The following SCFD2 variants were observed in gnomAD, a reference collection of about 807,000 sequenced individuals.
SCFD2 encodes the protein sec1 family domain containing 2.
Under a neutral mutation model 58.9 loss-of-function variants are expected in SCFD2, and 54 were observed. That is an observed-to-expected ratio of 0.92 (90% CI 0.74 to 1.15). The LOEUF (loss-of-function observed/expected upper bound fraction) is 1.15, where lower values mean the gene tolerates loss of function less well. SCFD2 is among the 50% of genes most tolerant of loss of function. The pLI is 0.00. For missense variants in SCFD2, 805 were observed against 836.6 expected (o/e 0.96, Z 0.47); for synonymous variants, 321 against 335.9 (o/e 0.96, Z 0.49).
chr4:53,041,012 A>G (rs1255122009), intron 5 of SCFD2, among the ~76,000 whole-genome samples: 4 of 152,208 alleles, frequency 2.6e-5, no homozygotes, highest in South Asian at 2.1e-4. Context: ...GGAACTATTC[A>G]GTCTATAAAT....
chr4:52,902,681 C>A (rs1030120476), intron 7 of SCFD2, among the ~76,000 whole-genome samples: 1 of 152,158 alleles, frequency 6.6e-6, no homozygotes, highest in Non-Finnish European at 1.5e-5. Context: ...GTTCTGAGTG[C>A]TTTATATGCA....
chr4:53,339,356 A>G (rs1733788425), intron 2 of SCFD2, among the ~76,000 whole-genome samples: 1 of 150,404 alleles, frequency 6.6e-6, no homozygotes, highest in African/African-American at 2.4e-5. Flanking sequence ...ATGTAAATGT[A>G]TATTACATAT....
chr4:53,292,322 CAG>C (rs1199670360), intron 3 of SCFD2, among the ~76,000 whole-genome samples: 1 of 152,048 alleles, frequency 6.6e-6, no homozygotes, highest in African/African-American at 2.4e-5. Flanking sequence ...GTCTAATATA[CAG>C]AGTCTACAAG....
At chr4:53,146,218 C>T (rs1726328334) in intron 4 of SCFD2, among the ~76,000 whole-genome samples, 1 of 152,134 alleles carries the variant, frequency 6.6e-6, no homozygotes, top group Non-Finnish European at 1.5e-5. Context: ...TCTTCCACAA[C>T]TTCTCGAGTG....
chr4:52,980,573 C>T (rs376673225), intron 5 of SCFD2, among the ~76,000 whole-genome samples: 4 of 152,144 alleles, frequency 2.6e-5, no homozygotes, highest in African/African-American at 4.8e-5. Flanking sequence ...GGAGAGAATA[C>T]GAGACATACA....
In SCFD2 at chr4:53,021,610, G is replaced by A. The variant is rs191875767; in HGVS notation, c.1562-100740C>T. On this transcript the variant is annotated intron_variant, in intron 5 of 8. Coordinates refer to ENST00000401642, the MANE Select transcript of SCFD2 (RefSeq NM_152540.4). ...GCGGTATGCATTAAGTTCTCCAGGG[G>A]CGCAGCGGCAAGTCAAGGGTGAGGG... is the stretch of plus-strand genomic sequence containing the variant. 1.2e-3 allele frequency among the ~76,000 whole-genome samples: 185 copies of A among 152,180 alleles called. 1 individual carries two copies. Among genetic ancestry groups the A allele is most frequent in the African/African-American group, 4.3e-3 (177 of 41,520 alleles).
intron 4 of SCFD2, among the ~76,000 whole-genome samples, chr4:53,259,812 T>C (rs1436988976): frequency 1.3e-5 from 2 of 152,230 alleles, no homozygotes; most frequent in Non-Finnish European, 2.9e-5. Flanking sequence ...TTTGGCAGTA[T>C]GGTCATTTTC....
intron 5 of SCFD2, among the ~76,000 whole-genome samples, chr4:53,043,827 C>A (rs1722958874): frequency 6.6e-6 from 1 of 151,948 alleles, no homozygotes. Flanking sequence ...ACTTACAAAC[C>A]TTTAAAAAAT....
chr4:53,256,809 G>A (rs1323229917), intron 4 of SCFD2, among the ~76,000 whole-genome samples: 2 of 150,548 alleles, frequency 1.3e-5, no homozygotes, highest in African/African-American at 2.4e-5. Flanking sequence ...AGCCGAGATG[G>A]CAGCAGTACA....
intron 5 of SCFD2, among the ~76,000 whole-genome samples, chr4:52,964,941 G>C (rs1420648215): frequency 6.6e-6 from 1 of 151,444 alleles, no homozygotes; most frequent in Admixed American, 6.6e-5. Context: ...TCGCAGAAAT[G>C]ACATTAATTA....
chr4:53,033,082 A>G (rs1722661594), intron 5 of SCFD2, among the ~76,000 whole-genome samples: 3 of 152,250 alleles, frequency 2.0e-5, no homozygotes, highest in African/African-American at 4.8e-5. Context: ...AACACTCCTC[A>G]GGAAATGCAA....
chr4:53,262,087 T>C (rs1280830970), intron 4 of SCFD2, among the ~76,000 whole-genome samples: 1 of 152,210 alleles, frequency 6.6e-6, no homozygotes. Flanking sequence ...TCACTTTTGG[T>C]GTCCATTTGC....
chr4:52,947,717 C>T (rs971740075), intron 5 of SCFD2, among the ~76,000 whole-genome samples: 4 of 149,798 alleles, frequency 2.7e-5, no homozygotes, highest in African/African-American at 7.4e-5. Flanking sequence ...CGCAAAAAAA[C>T]GATATAAAAT....
chr4:52,875,041 G>A (rs1041372003), intron 8 of SCFD2, among the ~76,000 whole-genome samples: 4 of 152,254 alleles, frequency 2.6e-5, no homozygotes, highest in African/African-American at 9.6e-5. Flanking sequence ...TATTTTTCCT[G>A]CTTTGTAGAT....
chr4:52,900,430 T>C (rs1232740656), intron 7 of SCFD2, among the ~76,000 whole-genome samples: 3 of 152,204 alleles, frequency 2.0e-5, no homozygotes, highest in African/African-American at 7.2e-5. Flanking sequence ...TGCCTGGGTA[T>C]GAGCAGCGGT....
chr4:53,133,393 C>T (rs1427869130), intron 5 of SCFD2, among the ~76,000 whole-genome samples: 3 of 150,798 alleles, frequency 2.0e-5, no homozygotes, highest in Non-Finnish European at 4.4e-5. Context: ...AGAAGACTCA[C>T]TTTCTACAAG....
At chr4:53,332,433 C>A (rs1481591745) in intron 2 of SCFD2, among the ~76,000 whole-genome samples, 1 of 151,720 alleles carries the variant, frequency 6.6e-6, no homozygotes, top group African/African-American at 2.4e-5. Context: ...GGATGCAAGG[C>A]TGGTTCAATA....
chr4:53,087,556 T>C (rs112506617), intron 5 of SCFD2, among the ~76,000 whole-genome samples: 10,281 of 152,196 alleles, frequency 0.068, 830 homozygotes, highest in African/African-American at 0.2. Flanking sequence ...TAGTCTCGAA[T>C]TCCTGACCTC....
intron 4 of SCFD2, among the ~76,000 whole-genome samples, chr4:53,159,730 A>G (rs1281358259): frequency 1.3e-5 from 2 of 152,102 alleles, no homozygotes; most frequent in Non-Finnish European, 2.9e-5. Context: ...CACAGATATT[A>G]AGGCAGATAT....
Sources: gnomAD v4.1 joint callset for allele counts (sites outside exome capture counted in the v4.1 genomes callset) on GRCh38, gnomAD v4.1.1 for gene constraint, MANE v1.5 for transcripts, NCBI Gene and HGNC (gene_info 2026-07-23, HGNC 2026-07-21) for gene names.